ADGRG6: variants seen among roughly 807,000 people sequenced by gnomAD.
ADGRG6 encodes G-protein coupled receptor 126.
Under a neutral mutation model 142.4 loss-of-function variants are expected in ADGRG6, and 84 were observed. The ratio of observed to expected loss-of-function variants is 0.59; its 90% confidence interval spans 0.49 to 0.71. The LOEUF is 0.71. Ranked by LOEUF, ADGRG6 falls within the 30% of genes least tolerant of loss-of-function variation. The pLI is 0.00. For synonymous variants in ADGRG6, 521 were observed against 520.5 expected (o/e 1.00, Z -0.01); for missense variants, 1,367 against 1,466.6 (o/e 0.93, Z 1.11).
chr6:142,359,759 GTATT>G (rs2114818790), intron 2 of ADGRG6, among the ~76,000 whole-genome samples: 2 of 152,292 alleles, frequency 1.3e-5, no homozygotes, highest in South Asian at 4.1e-4. Context: ...TGTTTAGTAA[GTATT>G]TATTAAGTGC....
chr6:142,417,964 A>G (rs112586257), intron 21 of ADGRG6, among the ~76,000 whole-genome samples: 20 of 152,272 alleles, frequency 1.3e-4, no homozygotes, highest in African/African-American at 4.8e-4. Flanking sequence ...AATGGGACCC[A>G]TCATGCCACA....
At chr6:142,411,243 C>G (rs956336722) in intron 17 of ADGRG6, 62 bp from the exon 18 acceptor site, 1 of 868,164 alleles carries the variant, frequency 1.2e-6, no homozygotes, top group African/African-American at 1.6e-5. Flanking sequence ...TAGAAGGTCT[C>G]ATCCATTATA....
intron 10 of ADGRG6, 128 bp downstream of exon 10, chr6:142,397,883 C>T: frequency 1.9e-6 from 1 of 539,966 alleles, no homozygotes; most frequent in Non-Finnish European, 3.1e-6. Context: ...TGGTGAAGTT[C>T]AGTAACAAAT....
intron 4 of ADGRG6, among the ~76,000 whole-genome samples, chr6:142,371,474 GTTTTTTTTTGTTT>G (rs1377375115): frequency 1.5e-4 from 16 of 108,206 alleles, no homozygotes; most frequent in African/African-American, 5.4e-4. Context: ...GCCAGTTACT[GTTTTTTTTTGTTT>G]TTTTTTTTTT....
chr6:142,397,383 GTTAT>G (rs1250496687), intron 9 of ADGRG6, among the ~76,000 whole-genome samples: 1 of 152,008 alleles, frequency 6.6e-6, no homozygotes, highest in South Asian at 2.1e-4. Context: ...AAGAAATGGA[GTTAT>G]TTGACAGAAT....
intron 16 of ADGRG6, among the ~76,000 whole-genome samples, chr6:142,409,049 A>T (rs1340427476): frequency 1.3e-5 from 2 of 152,168 alleles, no homozygotes; most frequent in African/African-American, 4.8e-5. Flanking sequence ...TAAATGTATC[A>T]TCTTAATCAT....
chr6:142,416,154 G>A lies in ADGRG6; in HGVS notation c.2938+90G>A, dbSNP rs1246968550. 5.4e-6 allele frequency: 5 copies of A among 933,340 alleles called. No individual in the cohort carries two copies. In the East Asian group the frequency reaches 1.0e-4, roughly 19 times the overall value. 57.8% of individuals were successfully genotyped at this position (933,340 alleles called of 1,614,324 possible). A position where few individuals can be genotyped will look rare whatever the true frequency, so the allele number is the denominator to read the frequency against. ...AAAAAATCTTATTTAAAAAAAAATA[G>A]TACCATTAAGAGGAACCTCAAAATT... On this transcript the variant is annotated intron_variant, in intron 20 of 24. Transcript: ENST00000367609.
At chr6:142,376,108 A>G (rs1781483608) in intron 4 of ADGRG6, among the ~76,000 whole-genome samples, 1 of 152,140 alleles carries the variant, frequency 6.6e-6, no homozygotes, top group Non-Finnish European at 1.5e-5. Context: ...TCTCATAACA[A>G]TTTTATTAAA....
In ADGRG6 at chr6:142,403,674, C is replaced by T. The variant is rs76065936; in HGVS notation, c.1956-128C>T. ...GGATTGGGGTAATTTTATGGGTGTT[C>T]ATGTTAAGATCAGAAAATCTAAACA... On this transcript the variant is annotated intron_variant, in intron 13 of 24. Coordinates refer to ENST00000367609, the MANE Select transcript of ADGRG6 (RefSeq NM_198569.3). The T allele has an allele frequency of 0.09, 53,381 of 595,984 alleles. 2,888 individuals are homozygous for T. The highest frequency in any genetic ancestry group is 0.23 in the East Asian group (7,521 of 32,350). The allele number at this position is 595,984 out of a possible 1,614,324, so 36.9% of individuals were successfully genotyped here. A position where few individuals can be genotyped will look rare whatever the true frequency, so the allele number is the denominator to read the frequency against.
chr6:142,375,580 A>T (rs1210129766), intron 4 of ADGRG6, among the ~76,000 whole-genome samples: 2 of 152,176 alleles, frequency 1.3e-5, no homozygotes, highest in Non-Finnish European at 2.9e-5. Context: ...TTAACATTTT[A>T]ACCTTTCATT....
intron 2 of ADGRG6, among the ~76,000 whole-genome samples, chr6:142,356,224 A>G (rs1252993005): frequency 1.3e-5 from 2 of 152,244 alleles, no homozygotes; most frequent in African/African-American, 4.8e-5. Flanking sequence ...AAGCAGCTGT[A>G]TTAAGTAGAA....
chr6:142,321,632 G>A (rs76503596), intron 2 of ADGRG6, among the ~76,000 whole-genome samples: 3,338 of 152,042 alleles, frequency 0.022, 110 homozygotes, highest in African/African-American at 0.075. Flanking sequence ...ATGGAATTAC[G>A]GAATAGGCAC....
intron 4 of ADGRG6, among the ~76,000 whole-genome samples, chr6:142,371,909 CA>C (rs1781279084): frequency 6.6e-6 from 1 of 152,170 alleles, no homozygotes; most frequent in Non-Finnish European, 1.5e-5. Flanking sequence ...TTTACTCAGC[CA>C]GTTTAAATAT....
intron 2 of ADGRG6, among the ~76,000 whole-genome samples, chr6:142,336,823 A>G (rs1779339757): frequency 6.6e-6 from 1 of 152,208 alleles, no homozygotes; most frequent in Non-Finnish European, 1.5e-5. Context: ...TCGATCTCAG[A>G]TGGATATAAG....
At chr6:142,350,107 G>GT (rs1162081034) in intron 2 of ADGRG6, among the ~76,000 whole-genome samples, 11 of 152,240 alleles carry the variant, frequency 7.2e-5, no homozygotes, top group Middle Eastern at 3.4e-3. Flanking sequence ...AGAAATCTGA[G>GT]TTTTTTTCAT....
chr6:142,415,381 T>C (rs73580470), intron 19 of ADGRG6, among the ~76,000 whole-genome samples: 2,242 of 152,248 alleles, frequency 0.015, 45 homozygotes, highest in African/African-American at 0.05. Context: ...AACATGAAAA[T>C]GTTTGTTTTA....
At position 142,326,667 on chromosome 6, in the gene ADGRG6, A is replaced by G. The variant is rs181594559; in HGVS notation, c.103+17023A>G. On this transcript the variant is annotated intron_variant, in intron 2 of 24. Transcript: ENST00000367609. ...AATGGTGTGAGAACAAACTCATTCT[A>G]TGAGACTGAGATCATCTGTTATCAA... 2.9e-3 allele frequency among the ~76,000 whole-genome samples: 434 copies of G among 152,246 alleles called. 2 individuals carry two copies. Among genetic ancestry groups the G allele is most frequent in the African/African-American group, 9.7e-3 (403 of 41,554 alleles).
intron 6 of ADGRG6, among the ~76,000 whole-genome samples, chr6:142,389,294 C>A (rs1774748867): frequency 6.6e-6 from 1 of 151,682 alleles, no homozygotes; most frequent in Admixed American, 6.6e-5. Flanking sequence ...TTACTGTTTT[C>A]TTCAACATTG....
intron 22 of ADGRG6, among the ~76,000 whole-genome samples, chr6:142,421,303 T>C (rs1776641602): frequency 6.6e-6 from 1 of 152,186 alleles, no homozygotes; most frequent in Non-Finnish European, 1.5e-5. Context: ...GGCATAAATA[T>C]GTATTAACTA....
Sources: gnomAD v4.1 joint callset for allele counts (sites outside exome capture counted in the v4.1 genomes callset) on GRCh38, gnomAD v4.1.1 for gene constraint, MANE v1.5 for transcripts, NCBI Gene and HGNC (gene_info 2026-07-23, HGNC 2026-07-21) for gene names.